The following CD96 variants were observed in gnomAD, a reference collection of about 807,000 sequenced individuals.
The protein encoded by CD96 is T-cell surface protein tactile.
In CD96, 70 loss-of-function variants were observed where a neutral mutation model predicts 71.3. That is an observed-to-expected ratio of 0.98 (90% CI 0.81 to 1.20). CD96 has a LOEUF of 1.20. Among genes scored for constraint, CD96 ranks in the 50% most tolerant of loss-of-function variants. CD96 has a pLI of 0.00. For missense variants in CD96, 742 were observed against 677.5 expected (o/e 1.10, Z -1.06); for synonymous variants, 248 against 233.0 (o/e 1.06, Z -0.59).
chr3:111,659,537 A>G (rs1940307815), intron 14 of CD96, among the ~76,000 whole-genome samples: 1 of 152,150 alleles, frequency 6.6e-6, no homozygotes, highest in Non-Finnish European at 1.5e-5. Flanking sequence ...CATCCCAGAG[A>G]TTTTGGTAAC....
chr3:111,599,091 C>T (rs1402263073), intron 6 of CD96, among the ~76,000 whole-genome samples: 1 of 151,932 alleles, frequency 6.6e-6, no homozygotes, highest in African/African-American at 2.4e-5. Context: ...GCCTCAGCCT[C>T]CCGAGTAGCT....
intron 2 of CD96, among the ~76,000 whole-genome samples, chr3:111,560,334 C>T (rs1380273560): frequency 1.3e-5 from 2 of 152,028 alleles, no homozygotes; most frequent in African/African-American, 4.8e-5. Context: ...CATGATTTTG[C>T]AGCAGCTGGT....
intron 5 of CD96, chr3:111,592,819 G>A (rs1235570276): frequency 6.6e-6 from 1 of 152,098 alleles, no homozygotes; most frequent in Non-Finnish European, 1.5e-5. Flanking sequence ...TAAGTTGAGA[G>A]GTTTTTCATT....
chr3:111,654,065 G>T (rs1053698910), downstream of CD96, among the ~76,000 whole-genome samples: 10 of 152,132 alleles, frequency 6.6e-5, no homozygotes, highest in Non-Finnish European at 1.3e-4. Context: ...TAGCCCTCTT[G>T]GCACCCAGAC....
At chr3:111,625,160 A>AC (rs1938689035) in intron 10 of CD96, among the ~76,000 whole-genome samples, 2 of 152,172 alleles carry the variant, frequency 1.3e-5, no homozygotes, top group Admixed American at 1.3e-4. Context: ...TATTTCATAT[A>AC]CTCTTGCTCC....
chr3:111,629,180 A>T (rs968762154), intron 10 of CD96, among the ~76,000 whole-genome samples: 1 of 152,354 alleles, frequency 6.6e-6, no homozygotes. Context: ...TTTTAAATGT[A>T]AATGGGCTAA....
chr3:111,607,906 A>G (rs756623905), intron 8 of CD96, among the ~76,000 whole-genome samples: 3 of 152,136 alleles, frequency 2.0e-5, no homozygotes, highest in Non-Finnish European at 4.4e-5. Flanking sequence ...TTCATTTAAC[A>G]AGTATTAGCA....
intron 2 of CD96, among the ~76,000 whole-genome samples, chr3:111,548,741 A>G (rs955432888): frequency 3.3e-5 from 5 of 152,188 alleles, no homozygotes; most frequent in African/African-American, 1.2e-4. Flanking sequence ...ATGGTCCTGG[A>G]AGTAGTAGTA....
intron 8 of CD96, among the ~76,000 whole-genome samples, chr3:111,613,975 A>G (rs1938091532): frequency 6.6e-6 from 1 of 152,220 alleles, no homozygotes; most frequent in East Asian, 1.9e-4. Context: ...TGTTCAAATG[A>G]GATATATTGA....
chr3:111,637,892 T>C (rs1939410718), intron 11 of CD96, among the ~76,000 whole-genome samples, 187 bp from the exon 12 acceptor site: 1 of 152,148 alleles, frequency 6.6e-6, no homozygotes, highest in Non-Finnish European at 1.5e-5. Flanking sequence ...TTGGCAATTG[T>C]TAGACAAATC....
chr3:111,623,459 C>A (rs952527618), intron 8 of CD96, among the ~76,000 whole-genome samples: 2 of 152,092 alleles, frequency 1.3e-5, no homozygotes, highest in Non-Finnish European at 2.9e-5. Flanking sequence ...ATATCCCCAG[C>A]GTGCAGAATA....
rs188548299 is a variant in CD96 at position 111,635,339 on chromosome 3, T to C, written c.1322-1857T>C. Among the ~76,000 whole-genome samples, 334 of 152,266 alleles carry C rather than the reference T, an allele frequency of 2.2e-3. 2 individuals carry two copies. Among genetic ancestry groups the C allele is most frequent in the Middle Eastern group, 3.4e-3 (1 of 294 alleles). ...CAGATTAAAAACAAAACAAAAAACCTCAAAGTCAAAATTAGAAAAATAACT... is the reference window on the plus strand; with the variant it reads ...CAGATTAAAAACAAAACAAAAAACCCCAAAGTCAAAATTAGAAAAATAACT... On this transcript the variant is annotated intron_variant, in intron 10 of 13. Transcript: ENST00000352690.
chr3:111,599,317 T>A (rs1021267181), intron 6 of CD96, among the ~76,000 whole-genome samples: 1 of 152,106 alleles, frequency 6.6e-6, no homozygotes, highest in Non-Finnish European at 1.5e-5. Context: ...TGTTAATGAG[T>A]GTATTGATCA....
At chr3:111,563,646 C>T (rs1179272263) in intron 2 of CD96, among the ~76,000 whole-genome samples, 3 of 152,202 alleles carry the variant, frequency 2.0e-5, no homozygotes, top group Non-Finnish European at 4.4e-5. Flanking sequence ...CTGACCTCCT[C>T]ATGTCCCCAT....
intron 12 of CD96, among the ~76,000 whole-genome samples, chr3:111,643,245 CAATT>C (rs1283514510): frequency 1.3e-5 from 2 of 151,990 alleles, no homozygotes; most frequent in African/African-American, 2.4e-5. Flanking sequence ...ATGATCATCT[CAATT>C]GATACAAAAA....
chr3:111,626,911 A>G (rs1938797308), intron 10 of CD96, among the ~76,000 whole-genome samples: 1 of 152,230 alleles, frequency 6.6e-6, no homozygotes, highest in East Asian at 1.9e-4. Context: ...TATGTGATAT[A>G]AAATTTTAAG....
chr3:111,635,404 A>C (rs576711613), intron 10 of CD96, among the ~76,000 whole-genome samples: 1 of 152,178 alleles, frequency 6.6e-6, no homozygotes, highest in Admixed American at 6.5e-5. Flanking sequence ...TTAATTTTTT[A>C]ATTATTTTGA....
intron 8 of CD96, among the ~76,000 whole-genome samples, chr3:111,611,898 A>G (rs980922365): frequency 8.5e-5 from 13 of 152,204 alleles, no homozygotes; most frequent in African/African-American, 2.9e-4. Context: ...TTTAGCCCCA[A>G]TTCATAGCCC....
intron 2 of CD96, among the ~76,000 whole-genome samples, chr3:111,555,889 C>G (rs1344304037): frequency 6.6e-6 from 1 of 152,294 alleles, no homozygotes; most frequent in African/African-American, 2.4e-5. Context: ...TCTACTACTC[C>G]TGTTTCATGT....
Sources: allele counts gnomAD v4.1 joint callset (sites outside exome capture counted in the v4.1 genomes callset), GRCh38; gene constraint gnomAD v4.1.1; transcripts MANE v1.5; gene names NCBI Gene and HGNC (gene_info 2026-07-23, HGNC 2026-07-21).